Variants in SPATA31G1 observed in about 807,000 individuals in gnomAD.
The protein encoded by SPATA31G1 is SPATA31 subfamily G member 1.
At chr9:35,042,343 A>C in the SPATA31G1 span, 1 of 1,614,252 alleles carries the variant, frequency 6.2e-7, no homozygotes, top group Non-Finnish European at 8.5e-7. Flanking sequence ...GCCTGCAGAC[A>C]CTGCGGCAGC....
the SPATA31G1 span, chr9:35,042,337 G>A: frequency 6.2e-7 from 1 of 1,614,256 alleles, no homozygotes; most frequent in Non-Finnish European, 8.5e-7. Context: ...GCCCTAGCCT[G>A]CAGACACTGC....
the SPATA31G1 span, chr9:35,043,831 A>T: frequency 5.6e-6 from 9 of 1,614,048 alleles, no homozygotes; most frequent in African/African-American, 5.3e-5. Flanking sequence ...CTCCAGAGAG[A>T]GAGTTCCCTG....
chr9:35,041,379 A>G, the SPATA31G1 span: 8 of 210,866 alleles, frequency 3.8e-5, no homozygotes, highest in East Asian at 1.6e-4. Flanking sequence ...TAAGATGGAG[A>G]GGAAAGTCTT....
chr9:35,044,348 CAG>C, the SPATA31G1 span: 1 of 1,614,072 alleles, frequency 6.2e-7, no homozygotes. Flanking sequence ...CGGAGCTGCT[CAG>C]AGTTAGATCC....
chr9:35,045,928 A>T, the SPATA31G1 span: 1 of 1,507,356 alleles, frequency 6.6e-7, no homozygotes, highest in Non-Finnish European at 8.8e-7. Context: ...AACCAGGGGG[A>T]AGGTGGGGAT....
At chr9:35,043,083 A>C in the SPATA31G1 span, 1 of 1,614,182 alleles carries the variant, frequency 6.2e-7, no homozygotes, top group East Asian at 2.2e-5. Flanking sequence ...GGCTATAGGG[A>C]TACCAGAGCA....
chr9:35,041,191 C>A, the SPATA31G1 span: 1 of 438,972 alleles, frequency 2.3e-6, no homozygotes, highest in Non-Finnish European at 4.6e-6. Flanking sequence ...GAGGAACAGG[C>A]TATGACCTAA....
At chr9:35,045,471 C>A in the SPATA31G1 span, 1 of 1,613,814 alleles carries the variant, frequency 6.2e-7, no homozygotes, top group East Asian at 2.2e-5. Context: ...GAGAGAGCAC[C>A]CTAGGAAACC....
At chr9:35,045,555 C>A in the SPATA31G1 span, 11 of 1,614,064 alleles carry the variant, frequency 6.8e-6, no homozygotes, top group Admixed American at 1.8e-4. Context: ...CCACCCTGCC[C>A]AGGCCAGAAG....
the SPATA31G1 span, chr9:35,041,954 ATT>A: frequency 3.5e-6 from 1 of 289,534 alleles, no homozygotes. Flanking sequence ...CACTGAAAAA[ATT>A]AAGTAGTTTG....
chr9:35,044,895 G>A, the SPATA31G1 span: 4 of 1,614,094 alleles, frequency 2.5e-6, no homozygotes, highest in South Asian at 1.1e-5. Context: ...AACGTGCCCA[G>A]GGGTTAAGGC....
the SPATA31G1 span, chr9:35,043,962 G>A: frequency 2.4e-5 from 38 of 1,613,310 alleles, no homozygotes; most frequent in African/African-American, 1.1e-4. Context: ...CCCTGAATGT[G>A]TCCCACCAGC....
At chr9:35,045,526 CCA>C in the SPATA31G1 span, 3 of 1,614,018 alleles carry the variant, frequency 1.9e-6, no homozygotes, top group East Asian at 2.2e-5. Flanking sequence ...TTGGGGTTAT[CCA>C]CAGTCACAGG....
chr9:35,043,501 T>C, the SPATA31G1 span: 1 of 1,614,154 alleles, frequency 6.2e-7, no homozygotes, highest in East Asian at 2.2e-5. Flanking sequence ...CTGAGGCCCT[T>C]CCCTGTGGAC....
chr9:35,044,968 C>T, the SPATA31G1 span: 1 of 1,614,070 alleles, frequency 6.2e-7, no homozygotes, highest in Non-Finnish European at 8.5e-7. Flanking sequence ...GGGATCCATG[C>T]CTGGCAGTGG....
At chr9:35,043,751 C>T in the SPATA31G1 span, 1 of 1,614,196 alleles carries the variant, frequency 6.2e-7, no homozygotes, top group East Asian at 2.2e-5. Flanking sequence ...CCGTGGGATA[C>T]AGAGAGAAAC....
the SPATA31G1 span, chr9:35,043,398 G>A: frequency 6.2e-7 from 1 of 1,614,164 alleles, no homozygotes; most frequent in Non-Finnish European, 8.5e-7. Flanking sequence ...TACCCATGGG[G>A]CCCATACTAT....
chr9:35,045,175 A>T, the SPATA31G1 span: 15 of 1,613,782 alleles, frequency 9.3e-6, no homozygotes, highest in Admixed American at 1.0e-4. Context: ...CATCCTCAAG[A>T]AGTTCAGCGC....
At chr9:35,042,923 GGAGGAAGAA>G in the SPATA31G1 span, 1 of 1,614,152 alleles carries the variant, frequency 6.2e-7, no homozygotes, top group East Asian at 2.2e-5. Context: ...AATCAGAAGT[GGAGGAAGAA>G]GGGGAAGAAG....
Sources: gnomAD v4.1 joint callset for allele counts on GRCh38, gnomAD v4.1.1 for gene constraint, MANE v1.5 for transcripts, NCBI Gene and HGNC (gene_info 2026-07-23, HGNC 2026-07-21) for gene names.